The following DLG2 variants were observed in gnomAD, a reference collection of about 807,000 sequenced individuals.
The protein encoded by DLG2 is disks large homolog 2.
In DLG2, 45 loss-of-function variants were observed where a neutral mutation model predicts 132.5. That is an observed-to-expected ratio of 0.34 (90% confidence interval 0.27 to 0.44). DLG2 has a LOEUF of 0.44. Ranked by LOEUF, DLG2 falls within the 20% of genes least tolerant of loss-of-function variation. The probability of loss-of-function intolerance (pLI) is 1.00; values close to 1 mark genes in which losing one functional copy is unlikely to be tolerated. For missense variants in DLG2, 1,045 were observed against 1,196.9 expected, an observed-to-expected ratio of 0.87 and a Z score of 1.87; for synonymous variants, 424 against 419.6, an observed-to-expected ratio of 1.01 and a Z score of -0.13.
At chr11:85,069,892 T>G (rs980561348) in intron 6 of DLG2, among the ~76,000 whole-genome samples, 1 of 152,038 alleles carries the variant, frequency 6.6e-6, no homozygotes, top group Non-Finnish European at 1.5e-5. Flanking sequence ...AGCAAAGACT[T>G]GGAACCAACC....
intron 6 of DLG2, among the ~76,000 whole-genome samples, chr11:84,589,272 G>A (rs1377163515): frequency 6.6e-6 from 1 of 152,130 alleles, no homozygotes; most frequent in Non-Finnish European, 1.5e-5. Context: ...AGTTGCCTGT[G>A]GAGAAGTCAA....
chr11:85,568,203 T>C (rs919163507), intron 3 of DLG2, among the ~76,000 whole-genome samples: 30 of 151,944 alleles, frequency 2.0e-4, no homozygotes, highest in Admixed American at 2.0e-3. Context: ...TTAATAGAGA[T>C]GGGGATTCAC....
intron 4 of DLG2, among the ~76,000 whole-genome samples, chr11:85,238,762 T>A (rs969249865): frequency 1.6e-4 from 25 of 151,998 alleles, no homozygotes; most frequent in African/African-American, 5.8e-4. Context: ...TAGAAAAAAG[T>A]ATTTTGCAAA....
intron 18 of DLG2, among the ~76,000 whole-genome samples, chr11:83,635,482 C>T (rs2064546857): frequency 6.6e-6 from 1 of 151,748 alleles, no homozygotes; most frequent in Non-Finnish European, 1.5e-5. Flanking sequence ...AATTGAGAGG[C>T]TCTCGTCTCT....
At position 83,818,843 on chromosome 11, in the gene DLG2, C is replaced by G. The variant is rs541194424; in HGVS notation, c.1722+14771G>C. 1.1e-4 allele frequency among the ~76,000 whole-genome samples: 16 copies of G among 152,138 alleles called. No homozygotes were observed. The South Asian group carries it at 3.3e-3, about 32-fold the overall frequency. On this transcript the variant is annotated intron_variant, in intron 17 of 27. Coordinates refer to ENST00000376104, the MANE Select transcript of DLG2 (RefSeq NM_001142699.3). ...TAAAAAGACATTAGAGAAGAAAAGT[C>G]AGGAAAAGGGGAAAGATAAATTTGG...
intron 14 of DLG2, among the ~76,000 whole-genome samples, chr11:83,933,254 G>C (rs2080748535): frequency 1.3e-5 from 2 of 152,204 alleles, no homozygotes. Flanking sequence ...GAAAGGGCCT[G>C]CTTATCCTAT....
At chr11:83,989,715 C>T (rs2093595414) in intron 11 of DLG2, among the ~76,000 whole-genome samples, 1 of 152,082 alleles carries the variant, frequency 6.6e-6, no homozygotes, top group Non-Finnish European at 1.5e-5. Context: ...TCCCACTTTA[C>T]TGATCCAAAA....
At chr11:84,394,686 T>C (rs1224291235) in intron 7 of DLG2, among the ~76,000 whole-genome samples, 1 of 117,220 alleles carries the variant, frequency 8.5e-6, no homozygotes, top group Non-Finnish European at 1.6e-5. Flanking sequence ...TGGAGTGCAA[T>C]GGCGTGATCT....
At chr11:85,119,965 A>G (rs1406099615) in intron 5 of DLG2, among the ~76,000 whole-genome samples, 1 of 152,112 alleles carries the variant, frequency 6.6e-6, no homozygotes, top group Admixed American at 6.6e-5. Flanking sequence ...TTGATAAGAC[A>G]TAATTACAAC....
intron 16 of DLG2, among the ~76,000 whole-genome samples, chr11:83,853,873 C>A (rs746783706): frequency 6.6e-6 from 1 of 152,064 alleles, no homozygotes; most frequent in African/African-American, 2.4e-5. Flanking sequence ...ACTGCAAGTT[C>A]TAGTTAATAC....
At chr11:83,899,878 C>T (rs790345) in intron 15 of DLG2, among the ~76,000 whole-genome samples, 126,343 of 152,180 alleles carry the variant, frequency 0.83, 52,960 homozygotes, top group African/African-American at 0.96. Context: ...TGGAACAGTT[C>T]GGAGGGCTCA....
chr11:85,285,403 G>T (rs763204215), intron 3 of DLG2, 38 bp from the exon 4 acceptor site: 1 of 1,591,584 alleles, frequency 6.3e-7, no homozygotes, highest in Admixed American at 1.7e-5. Flanking sequence ...AAAATGTAAT[G>T]CATGACTTCA....
intron 8 of DLG2, among the ~76,000 whole-genome samples, chr11:84,202,178 G>A (rs1052673117): frequency 2.5e-4 from 38 of 151,858 alleles, no homozygotes; most frequent in Non-Finnish European, 2.6e-4. Flanking sequence ...CAAGCAGAAA[G>A]AACAAAACTG....
At chr11:83,946,427 C>T (rs1417120819) in intron 14 of DLG2, among the ~76,000 whole-genome samples, 2 of 152,198 alleles carry the variant, frequency 1.3e-5, no homozygotes, top group East Asian at 3.9e-4. Context: ...CCACCCTGGA[C>T]ATCCAGATTT....
At chr11:84,974,609 T>C (rs3911273) in intron 6 of DLG2, among the ~76,000 whole-genome samples, 84,015 of 152,006 alleles carry the variant, frequency 0.55, 23,853 homozygotes, top group African/African-American at 0.68. Context: ...CTTCAGTTGA[T>C]TTTATTGTTA....
intron 18 of DLG2, chr11:83,720,735 T>TC (rs1299775774): frequency 7.6e-4 from 98 of 129,674 alleles, no homozygotes; most frequent in Middle Eastern, 4.1e-3. Context: ...TCTTCAGCCC[T>TC]CCCTTTTTTT....
chr11:84,300,961 A>C (rs1172674241), intron 7 of DLG2, among the ~76,000 whole-genome samples: 1 of 152,212 alleles, frequency 6.6e-6, no homozygotes, highest in African/African-American at 2.4e-5. Flanking sequence ...GTATATCCCC[A>C]TTTATTAACC....
chr11:83,766,476 C>T (rs1002753892), intron 18 of DLG2, among the ~76,000 whole-genome samples: 1 of 150,890 alleles, frequency 6.6e-6, no homozygotes, highest in African/African-American at 2.4e-5. Flanking sequence ...CATGGCAATG[C>T]AGATTCCACT....
At chr11:84,424,818 G>C (rs1276738297) in intron 7 of DLG2, among the ~76,000 whole-genome samples, 3 of 152,010 alleles carry the variant, frequency 2.0e-5, no homozygotes, top group Admixed American at 6.6e-5. Context: ...TTGGAGAACA[G>C]GGCTCAGTGA....
Sources: allele counts gnomAD v4.1 joint callset (sites outside exome capture counted in the v4.1 genomes callset), GRCh38; gene constraint gnomAD v4.1.1; transcripts MANE v1.5; gene names NCBI Gene and HGNC (gene_info 2026-07-23, HGNC 2026-07-21).